The following BTD variants were observed in gnomAD, a reference collection of about 807,000 sequenced individuals.
BTD encodes the protein biocytinase.
BTD carries 13 observed loss-of-function variants against 17.7 expected under a neutral mutation model. The observed-to-expected ratio is 0.74, with a 90% CI of 0.48 to 1.17. The LOEUF is 1.17. Among genes scored for constraint, BTD ranks in the 50% most tolerant of loss-of-function variants. The probability of loss-of-function intolerance (pLI) is 0.00; values close to 1 mark genes in which losing one functional copy is unlikely to be tolerated. For synonymous variants in BTD, 240 were observed against 245.2 expected (o/e 0.98, Z 0.20); for missense variants, 674 against 650.4 (o/e 1.04, Z -0.39).
At chr3:15,690,006 A>G (rs1334735419) in intron 3 of BTD, 4 of 1,590,374 alleles carry the variant, frequency 2.5e-6, no homozygotes, top group South Asian at 2.3e-5. Flanking sequence ...ATCAAGCATA[A>G]TATCTGGCAT....
At chr3:15,698,294 G>C (rs2069988643) in intron 3 of BTD, among the ~76,000 whole-genome samples, 1 of 152,088 alleles carries the variant, frequency 6.6e-6, no homozygotes, top group Admixed American at 6.6e-5. Flanking sequence ...TACTGAATGG[G>C]CAAAAACTGG....
At chr3:15,601,497 C>A (rs367946120), upstream of BTD, 400 of 1,610,530 alleles carry the variant, frequency 2.5e-4, 1 homozygote, top group Non-Finnish European at 3.2e-4. Context: ...CTCACGCAGC[C>A]GGCAAACAAG....
chr3:15,673,388 T>C (rs567500121), intron 3 of BTD, among the ~76,000 whole-genome samples: 7 of 152,328 alleles, frequency 4.6e-5, no homozygotes, highest in Non-Finnish European at 8.8e-5. Context: ...GCAGCAAATA[T>C]TCACTGAGCC....
rs2065198916 is a variant in BTD at position 15,631,352 on chromosome 3, GA to G, written c.-16-4071del. On this transcript the variant is annotated intron_variant, in intron 1 of 3. Transcript: ENST00000643237. ...AAAGATGTTTTATTTATCTTTTAAAGATTTTTTAATGTATGTATCTGCCTCT... is the reference window on the plus strand; with the variant it reads ...AAAGATGTTTTATTTATCTTTTAAAGTTTTTTAATGTATGTATCTGCCTCT... The G allele has an allele frequency of 3.0e-6, 3 of 1,014,690 alleles. No individual in the cohort carries two copies. In the African/African-American group the frequency reaches 4.9e-5, roughly 17 times the overall value. 62.9% of individuals were successfully genotyped at this position (1,014,690 alleles called of 1,614,324 possible). A position where few individuals can be genotyped will look rare whatever the true frequency, so the allele number is the denominator to read the frequency against.
chr3:15,695,727 C>T (rs1171681792), intron 3 of BTD, among the ~76,000 whole-genome samples: 1 of 152,010 alleles, frequency 6.6e-6, no homozygotes, highest in African/African-American at 2.4e-5. Flanking sequence ...GTGGAGTCTC[C>T]CTTGTTAGGA....
chr3:15,682,957 C>A (rs958330107), intron 3 of BTD, among the ~76,000 whole-genome samples: 1 of 152,162 alleles, frequency 6.6e-6, no homozygotes, highest in African/African-American at 2.4e-5. Context: ...ACCAGGCATG[C>A]AGTTCTTGCA....
At chr3:15,637,135 AT>A (rs768295988) in intron 2 of BTD, among the ~76,000 whole-genome samples, 1 of 152,106 alleles carries the variant, frequency 6.6e-6, no homozygotes, top group Non-Finnish European at 1.5e-5. Context: ...AGCTGTCATG[AT>A]CCCCCTGGCA....
intron 2 of BTD, among the ~76,000 whole-genome samples, chr3:15,637,058 G>A (rs1484500181): frequency 2.0e-5 from 3 of 152,080 alleles, no homozygotes; most frequent in Non-Finnish European, 4.4e-5. Flanking sequence ...CGATTCTATC[G>A]TCAGAGCTAA....
intron 3 of BTD, chr3:15,685,877 G>T: frequency 1.4e-6 from 1 of 736,782 alleles, no homozygotes; most frequent in Non-Finnish European, 2.2e-6. Context: ...CTAAGATACT[G>T]AAAGAAATGG....
chr3:15,657,858 A>G (rs1427610724), downstream of BTD, among the ~76,000 whole-genome samples: 1 of 151,958 alleles, frequency 6.6e-6, no homozygotes, highest in African/African-American at 2.4e-5. Context: ...AACCCAAGAT[A>G]TAACAGGTTG....
intron 1 of BTD, among the ~76,000 whole-genome samples, chr3:15,614,628 C>A (rs912020929): frequency 4.1e-5 from 6 of 144,834 alleles, no homozygotes; most frequent in Non-Finnish European, 6.0e-5. Flanking sequence ...CACAGAGTCT[C>A]TCTCTATTAC....
chr3:15,677,089 G>T, intron 3 of BTD: 1 of 1,558,790 alleles, frequency 6.4e-7, no homozygotes, highest in South Asian at 1.1e-5. Context: ...ATAAAAACTT[G>T]AGCACCATTA....
Position 15,645,619 on chromosome 3 carries a change from C to T in BTD, c.*131C>T, listed in dbSNP as rs2065676882. On this transcript the variant is annotated 3_prime_UTR_variant, in exon 4 of 4. Transcript: ENST00000643237. ...CCCACTTCTGTGGCACCAGATTCCACCCTGGGAACTGTGGAAAAAGTAGGA... is the reference window on the plus strand; with the variant it reads ...CCCACTTCTGTGGCACCAGATTCCATCCTGGGAACTGTGGAAAAAGTAGGA... 1 of 1,037,894 alleles carries T rather than the reference C, an allele frequency of 9.6e-7. No homozygotes were observed. The allele number at this position is 1,037,894 out of a possible 1,614,324, so 64.3% of individuals were successfully genotyped here.
At chr3:15,669,249 A>G (rs1199480255) in intron 3 of BTD, 1 of 152,208 alleles carries the variant, frequency 6.6e-6, no homozygotes, top group Non-Finnish European at 1.5e-5. Flanking sequence ...AAACTCATAG[A>G]TCAGAATAAA....
chr3:15,637,258 G>A (rs984689372), intron 2 of BTD, among the ~76,000 whole-genome samples: 5 of 151,944 alleles, frequency 3.3e-5, no homozygotes, highest in African/African-American at 9.7e-5. Flanking sequence ...ACTGTATGCA[G>A]CTATCCCGAT....
intron 3 of BTD, among the ~76,000 whole-genome samples, chr3:15,688,134 T>A (rs115679093): frequency 1.9e-3 from 287 of 150,154 alleles, no homozygotes; most frequent in African/African-American, 6.5e-3. Context: ...GACTGGCTAA[T>A]GTCTCAGTTC....
At chr3:15,687,208 G>A (rs756285601) in intron 3 of BTD, among the ~76,000 whole-genome samples, 2 of 152,058 alleles carry the variant, frequency 1.3e-5, no homozygotes, top group African/African-American at 2.4e-5. Context: ...CTCCCAAAGT[G>A]CTGGGATTAC....
At chr3:15,679,675 CTCCCAGA>C (rs2067316044) in intron 3 of BTD, 1 of 764,890 alleles carries the variant, frequency 1.3e-6, no homozygotes, top group Non-Finnish European at 2.1e-6. Flanking sequence ...CTCATCCCAT[CTCCCAGA>C]TCCCCTCTCT....
intron 1 of BTD, among the ~76,000 whole-genome samples, chr3:15,626,566 C>A (rs574266463): frequency 2.0e-5 from 3 of 151,984 alleles, no homozygotes; most frequent in African/African-American, 7.3e-5. Context: ...TTGCTTCAGG[C>A]CTGGAGTCGA....
Sources: allele counts gnomAD v4.1 joint callset (sites outside exome capture counted in the v4.1 genomes callset), GRCh38; gene constraint gnomAD v4.1.1; transcripts MANE v1.5; gene names NCBI Gene and HGNC (gene_info 2026-07-23, HGNC 2026-07-21).